Variants in KIF13B observed in about 807,000 individuals in gnomAD.
KIF13B encodes the protein kinesin-like protein KIF13B.
KIF13B carries 127 observed loss-of-function variants against 222.0 expected under a neutral mutation model. The observed-to-expected ratio is 0.57, with a 90% CI of 0.50 to 0.66. The LOEUF (loss-of-function observed/expected upper bound fraction) is 0.66. Ranked by LOEUF, KIF13B falls within the 30% of genes least tolerant of loss-of-function variation. KIF13B has a pLI of 0.00. For synonymous variants in KIF13B, 976 were observed against 919.0 expected, an observed-to-expected ratio of 1.06 and a Z score of -1.12; for missense variants, 2,173 against 2,379.0, an observed-to-expected ratio of 0.91 and a Z score of 1.80.
At chr8:29,219,788 C>T (rs1814660001) in intron 2 of KIF13B, among the ~76,000 whole-genome samples, 1 of 148,906 alleles carries the variant, frequency 6.7e-6, no homozygotes, top group African/African-American at 2.5e-5. Flanking sequence ...TAAGGCAAGC[C>T]TCGGTGGCTC....
At chr8:29,259,228 T>A (rs544234100) in intron 1 of KIF13B, among the ~76,000 whole-genome samples, 5 of 152,300 alleles carry the variant, frequency 3.3e-5, no homozygotes, top group African/African-American at 4.8e-5. Flanking sequence ...TGACTCTACA[T>A]TGACTCTATT....
chr8:29,260,712 G>T (rs572377046), intron 1 of KIF13B, among the ~76,000 whole-genome samples: 1 of 152,076 alleles, frequency 6.6e-6, no homozygotes, highest in South Asian at 2.1e-4. Flanking sequence ...CGCCTCCTGG[G>T]TTCAGGCTAT....
intron 36 of KIF13B, among the ~76,000 whole-genome samples, chr8:29,097,273 A>C (rs1218037883): frequency 9.1e-6 from 1 of 109,818 alleles, no homozygotes; most frequent in Non-Finnish European, 2.1e-5. Context: ...TAACAATCTT[A>C]AATGTGTTAT....
Position 29,070,327 on chromosome 8 carries a change from A to G in KIF13B, c.*177T>C. 4 of 668,346 alleles carry G rather than the reference A, an allele frequency of 6.0e-6. No homozygotes were observed. The highest frequency in any genetic ancestry group is 1.0e-5 in the Non-Finnish European group (4 of 401,662). The allele number at this position is 668,346 out of a possible 1,614,324, so 41.4% of individuals were successfully genotyped here. The stretch of plus-strand genomic sequence containing the variant: ...TGAGGCCCCCACTTTACCCGGGTAC[A>G]GAAGAAACAAAGCTTCCAGAGGCCC... On this transcript the variant is annotated 3_prime_UTR_variant, in exon 40 of 40. Transcript: ENST00000524189. This position sits in a 1 kb window ranked among gnomAD's most constrained non-coding sequence, Gnocchi z 4.1.
intron 18 of KIF13B, among the ~76,000 whole-genome samples, chr8:29,143,248 T>C (rs2129951961): frequency 6.6e-6 from 1 of 152,338 alleles, no homozygotes; most frequent in South Asian, 2.1e-4. Flanking sequence ...GGCCACCATA[T>C]GACCACAACG....
At position 29,148,702 on chromosome 8, in the gene KIF13B, T is replaced by C. The variant is rs1168037660; in HGVS notation, c.1688A>G (p.Lys563Arg). 3 of 1,611,884 alleles carry C rather than the reference T, an allele frequency of 1.9e-6. No individual in the cohort carries two copies. Among genetic ancestry groups the C allele is most frequent in the Non-Finnish European group, 2.5e-6 (3 of 1,179,022 alleles). The change falls in exon 16 of 40, where the codon AAG becomes AGG. Residue 563 changes from lysine to arginine, a missense_variant. Transcript: ENST00000524189. ...REDEDQDPSM[K>R]NENSSEQLDV... Reference sequence around the variant, plus strand: ...CAGCTGCTCAGAACTATTCTCGTTCTTCATGGAGGGATCCTGGTCCTCATC... The same window carrying C: ...CAGCTGCTCAGAACTATTCTCGTTCCTCATGGAGGGATCCTGGTCCTCATC...
At chr8:29,105,574 T>C (rs765497480) in intron 35 of KIF13B, among the ~76,000 whole-genome samples, 1 of 152,120 alleles carries the variant, frequency 6.6e-6, no homozygotes, top group Non-Finnish European at 1.5e-5. Flanking sequence ...GGGACAGTAC[T>C]TTTCTTTGAA....
intron 23 of KIF13B, among the ~76,000 whole-genome samples, 164 bp downstream of exon 23, chr8:29,132,144 G>C (rs962206954): frequency 6.6e-6 from 1 of 152,158 alleles, no homozygotes; most frequent in South Asian, 2.1e-4. Flanking sequence ...TATTCAGGAG[G>C]CTGAGGCAAG....
rs779713009 is a variant in KIF13B, at chr8:29,186,314, G to T, written c.475C>A (p.Arg159=). The change falls in exon 6 of 40, where the codon CGA becomes AGA. Residue 159 remains arginine (R), a synonymous_variant. Coordinates refer to ENST00000524189, the MANE Select transcript of KIF13B (RefSeq NM_015254.4). ...TACCCTTTGGGATCAAGAAGGTCTCGAACTTTTTCATTATAAATTTCCATG... is the reference window on the plus strand; with the variant it reads ...TACCCTTTGGGATCAAGAAGGTCTCTAACTTTTTCATTATAAATTTCCATG... The part of the protein sequence containing the change: ...SYMEIYNEKV[R]DLLDPKGSRQ... 3 of 1,612,592 alleles carry T rather than the reference G, an allele frequency of 1.9e-6. No homozygotes were observed. Among genetic ancestry groups the T allele is most frequent in the Non-Finnish European group, 2.5e-6 (3 of 1,179,364 alleles).
In KIF13B at chr8:29,068,002, T is replaced by A. The variant is rs2133450033; in HGVS notation, c.*2502A>T. 6.6e-6 allele frequency: 1 copy of A among 152,330 alleles called. No homozygotes were observed. Among genetic ancestry groups the A allele is most frequent in the Admixed American group, 6.5e-5 (1 of 15,290 alleles). The allele number at this position is 152,330 out of a possible 1,614,324, so 9.4% of individuals were successfully genotyped here. A position where few individuals can be genotyped will look rare whatever the true frequency, so the allele number is the denominator to read the frequency against. ...CTCACCCTGGAGCCTCAGTCCTTCA[T>A]AAGGGCCCGAGGGAAGTGGCGGGGT... On this transcript the variant is annotated 3_prime_UTR_variant, in exon 40 of 40. Transcript: ENST00000524189. The surrounding 1 kb of genome is among the most constrained non-coding windows in gnomAD (Gnocchi z 4.4).
At position 29,142,118 on chromosome 8, in the gene KIF13B, A is replaced by G. The variant is rs766831537; in HGVS notation, c.2334+39T>C. ...GACTCATTCCAGCTTGGCTCCTTCC[A>G]TAATTACCAATTAAGTGATTTTCTC... On this transcript the variant is annotated intron_variant, in intron 19 of 39. Coordinates refer to ENST00000524189, the MANE Select transcript of KIF13B (RefSeq NM_015254.4). 14 of 1,577,810 alleles carry G rather than the reference A, an allele frequency of 8.9e-6. No homozygotes were observed. In the East Asian group the frequency reaches 1.1e-4, roughly 13 times the overall value.
chr8:29,175,784 G>A (rs1812451007), intron 10 of KIF13B, among the ~76,000 whole-genome samples: 1 of 152,202 alleles, frequency 6.6e-6, no homozygotes, highest in Non-Finnish European at 1.5e-5. Flanking sequence ...AGATTAGCAG[G>A]AGGCCCTTTC....
chr8:29,122,516 C>T, intron 29 of KIF13B, 75 bp downstream of exon 29: 2 of 1,218,528 alleles, frequency 1.6e-6, no homozygotes, highest in South Asian at 2.6e-5. Flanking sequence ...TCACGATGCA[C>T]TTGGTTGGAA....
intron 1 of KIF13B, chr8:29,250,058 G>C: frequency 7.8e-7 from 1 of 1,288,540 alleles, no homozygotes; most frequent in Non-Finnish European, 1.0e-6. Context: ...TGACCATATT[G>C]TATCAGCTGG....
intron 36 of KIF13B, among the ~76,000 whole-genome samples, chr8:29,095,187 A>G (rs1341027396): frequency 6.6e-6 from 1 of 152,192 alleles, no homozygotes; most frequent in Non-Finnish European, 1.5e-5. Flanking sequence ...ATGATAACTA[A>G]GCAAATCATA....
At position 29,109,989 on chromosome 8, in the gene KIF13B, C is replaced by G. The variant is rs1446225834; in HGVS notation, c.4012G>C (p.Ala1338Pro). The G allele has an allele frequency of 2.5e-6, 4 of 1,610,828 alleles. No homozygotes were observed. Among genetic ancestry groups the G allele is most frequent in the Non-Finnish European group, 3.4e-6 (4 of 1,178,654 alleles). Reference protein sequence around the residue: ...VENPASADSEAYIEKYLRSVL... With the variant: ...VENPASADSEPYIEKYLRSVL... The stretch of plus-strand genomic sequence containing the variant: ...CTCCTGAGGTACTTTTCAATATAAG[C>G]CTCCGAGTCAGCAGAAGCTGGGTTT... Residue 1338 changes from alanine to proline, a missense_variant, in exon 33 of 40, where the codon GCT becomes CCT. Physicochemically the swap from Ala to Pro is conservative, Grantham distance 27. Coordinates refer to ENST00000524189, the MANE Select transcript of KIF13B (RefSeq NM_015254.4).
At chr8:29,124,465 T>C (rs1810019587) in intron 26 of KIF13B, among the ~76,000 whole-genome samples, 1 of 152,198 alleles carries the variant, frequency 6.6e-6, no homozygotes. Flanking sequence ...TCTTCCAATA[T>C]GGCTGGGCGT....
chr8:29,084,769 G>T (rs1807969397), intron 37 of KIF13B, among the ~76,000 whole-genome samples: 1 of 152,230 alleles, frequency 6.6e-6, no homozygotes, highest in Admixed American at 6.5e-5. Flanking sequence ...ACTAATTAGA[G>T]AGCAGGAAGT....
intron 35 of KIF13B, among the ~76,000 whole-genome samples, chr8:29,104,242 G>A (rs930189207): frequency 4.6e-5 from 7 of 151,698 alleles, no homozygotes; most frequent in Non-Finnish European, 8.8e-5. Context: ...TGAGACCCTC[G>A]AAAATGGAAC....
Sources: allele counts gnomAD v4.1 joint callset (sites outside exome capture counted in the v4.1 genomes callset), GRCh38; gene constraint gnomAD v4.1.1; non-coding constraint Gnocchi (gnomAD v3.1); transcripts MANE v1.5; gene names NCBI Gene and HGNC (gene_info 2026-07-23, HGNC 2026-07-21).